CERS1: variants seen among roughly 807,000 people sequenced by gnomAD.
CERS1 encodes ceramide synthase 1.
Under a neutral mutation model 35.7 loss-of-function variants are expected in CERS1, and 16 were observed. That is an observed-to-expected ratio of 0.45 (90% CI 0.30 to 0.68). CERS1 has a LOEUF of 0.68. Among genes scored for constraint, CERS1 ranks in the 30% least tolerant of loss-of-function variants. The probability of loss-of-function intolerance (pLI) is 0.08; values close to 1 mark genes in which losing one functional copy is unlikely to be tolerated. For missense variants in CERS1, 454 were observed against 453.9 expected (o/e 1.00, Z 0.00); for synonymous variants, 243 against 201.6 (o/e 1.21, Z -1.74).
intron 4 of CERS1, among the ~76,000 whole-genome samples, chr19:18,879,995 C>T (rs2056162542): frequency 6.6e-6 from 1 of 151,402 alleles, no homozygotes; most frequent in South Asian, 2.1e-4. Flanking sequence ...ACCTATCTCA[C>T]CAGGCCCCTC....
chr19:18,879,104 C>A, intron 5 of CERS1, 65 bp from the exon 6 acceptor site: 1 of 1,594,454 alleles, frequency 6.3e-7, no homozygotes, highest in Non-Finnish European at 8.5e-7. Context: ...TGCTGACAGC[C>A]ATGTGCTCCT....
Position 18,878,904 on chromosome 19 carries a change from C to T in CERS1, c.1010+26G>A, listed in dbSNP as rs371750635. The T allele has an allele frequency of 1.4e-4, 228 of 1,611,000 alleles. No homozygotes were observed. Among genetic ancestry groups the T allele is most frequent in the African/African-American group, 2.3e-4 (17 of 74,878 alleles). On this transcript the variant is annotated intron_variant, in intron 6 of 7. Coordinates refer to ENST00000623882, the MANE Select transcript of CERS1 (RefSeq NM_021267.5). This position sits in a 1 kb window ranked among gnomAD's most constrained non-coding sequence, Gnocchi z 4.6. ...ACGGGTGACACTAAAGGAGGGAACG[C>T]GGGGTGCGGGCCCCTCCACACTCAC...
At chr19:18,889,082 G>C (rs1387654806) in intron 2 of CERS1, among the ~76,000 whole-genome samples, 2 of 151,844 alleles carry the variant, frequency 1.3e-5, no homozygotes, top group Admixed American at 6.6e-5. Context: ...AGTAGAGACA[G>C]GGTTTCACCA....
In CERS1 at chr19:18,893,545, T is replaced by C. The variant is rs762743223; in HGVS notation, c.280A>G (p.Arg94Gly). The change falls in exon 2 of 8, where the codon AGA (arginine) becomes GGA (glycine). Residue 94 changes from arginine (R) to glycine (G), a missense_variant. Transcript: ENST00000623882. ...PLAKRCCLQP[R>G]DAAKMPESAW... The stretch of plus-strand genomic sequence containing the variant: ...CTCTCGGGCATCTTGGCGGCATCTC[T>C]GGGCTGGAGGCAGCACCGCTTCGCC... 13 of 1,610,400 alleles carry C rather than the reference T, an allele frequency of 8.1e-6. No homozygotes were observed. The East Asian group carries it at 2.5e-4, about 30-fold the overall frequency.
At chr19:18,888,687 G>A (rs945569807) in intron 2 of CERS1, among the ~76,000 whole-genome samples, 21 of 150,830 alleles carry the variant, frequency 1.4e-4, no homozygotes, top group African/African-American at 4.9e-4. Context: ...AAAATTAGCC[G>A]GGTGTGGTAG....
At chr19:18,873,115 T>C (rs2056003825) in intron 6 of CERS1, among the ~76,000 whole-genome samples, 1 of 152,122 alleles carries the variant, frequency 6.6e-6, no homozygotes, top group Non-Finnish European at 1.5e-5. Flanking sequence ...CCCTGGGCTC[T>C]TGCAAGGGTT....
chr19:18,892,609 A>G (rs1209695305), intron 2 of CERS1, among the ~76,000 whole-genome samples: 2 of 151,880 alleles, frequency 1.3e-5, no homozygotes, highest in African/African-American at 2.4e-5. Flanking sequence ...GCGAGACTCC[A>G]TCTCAAAAAA....
chr19:18,878,727 C>A lies in CERS1; in HGVS notation c.1010+203G>T. 7.2e-7 allele frequency: 1 copy of A among 1,390,620 alleles called. No individual in the cohort carries two copies. 86.1% of individuals were successfully genotyped at this position (1,390,620 alleles called of 1,614,324 possible). A position where few individuals can be genotyped will look rare whatever the true frequency, so the allele number is the denominator to read the frequency against. On this transcript the variant is annotated intron_variant, in intron 6 of 7. Transcript: ENST00000623882. This position sits in a 1 kb window ranked among gnomAD's most constrained non-coding sequence, Gnocchi z 4.6. ...CTGCCTGCCCCTCCCCAGCCTCTCC[C>A]TCCCCTTCCTCACTGTCCTGTCCTT... is the stretch of plus-strand genomic sequence containing the variant.
intron 2 of CERS1, among the ~76,000 whole-genome samples, chr19:18,886,489 G>A (rs77807432): frequency 0.017 from 2,633 of 152,190 alleles, 74 homozygotes; most frequent in African/African-American, 0.056. Context: ...GGAGGCAGAG[G>A]TGGTGGCAGG....
At chr19:18,874,543 G>A (rs1416708370) in intron 6 of CERS1, among the ~76,000 whole-genome samples, 2 of 152,234 alleles carry the variant, frequency 1.3e-5, no homozygotes, top group Non-Finnish European at 2.9e-5. Context: ...AGCATTGAGT[G>A]CAGGTCACCA....
chr19:18,870,431 G>A lies in CERS1; in HGVS notation c.*146C>T. 1.0e-6 allele frequency: 1 copy of A among 1,001,462 alleles called. No individual in the cohort carries two copies. Among genetic ancestry groups the A allele is most frequent in the Non-Finnish European group, 1.5e-6 (1 of 673,592 alleles). 62.0% of individuals were successfully genotyped at this position (1,001,462 alleles called of 1,614,324 possible). A position where few individuals can be genotyped will look rare whatever the true frequency, so the allele number is the denominator to read the frequency against. ...CTGGGGGGCGTGGCCGGGAACTGGA[G>A]GCAGGATGAGGGGGCGGGGTCCCAG... On this transcript the variant is annotated 3_prime_UTR_variant, in exon 7 of 8. Transcript: ENST00000623882. This position sits in a 1 kb window ranked among gnomAD's most constrained non-coding sequence, Gnocchi z 5.1.
In CERS1 at chr19:18,870,349, G is replaced by A; in HGVS notation, c.*228C>T. On this transcript the variant is annotated 3_prime_UTR_variant, in exon 7 of 8. Coordinates refer to ENST00000623882, the MANE Select transcript of CERS1 (RefSeq NM_021267.5). This position sits in a 1 kb window ranked among gnomAD's most constrained non-coding sequence, Gnocchi z 5.1. Reference sequence around the variant, plus strand: ...GACCAGAGAGTGCGCAGGGTCCGCGGCGGCCCGGGACCAGTGGGCTGAGGG... The same window carrying A: ...GACCAGAGAGTGCGCAGGGTCCGCGACGGCCCGGGACCAGTGGGCTGAGGG... 6.5e-7 allele frequency: 1 copy of A among 1,541,846 alleles called. No homozygotes were observed. The highest frequency in any genetic ancestry group is 2.5e-5 in the East Asian group (1 of 40,726).
Position 18,878,570 on chromosome 19 carries a change from G to A in CERS1, c.1010+360C>T. On this transcript the variant is annotated intron_variant, in intron 6 of 7. Coordinates refer to ENST00000623882, the MANE Select transcript of CERS1 (RefSeq NM_021267.5). The surrounding 1 kb of genome is among the most constrained non-coding windows in gnomAD (Gnocchi z 4.6). The stretch of plus-strand genomic sequence containing the variant: ...GCCACCAGCTCCAGTGGCGACATGG[G>A]TCAGAGGTCGTCATCCAGGCTGGCC... 1.8e-6 allele frequency: 2 copies of A among 1,087,824 alleles called. No individual in the cohort carries two copies. The highest frequency in any genetic ancestry group is 2.2e-6 in the Non-Finnish European group (2 of 890,028). 67.4% of individuals were successfully genotyped at this position (1,087,824 alleles called of 1,614,324 possible).
chr19:18,870,960 C>T lies in CERS1; in HGVS notation c.1011-341G>A, dbSNP rs111390670. Among the ~76,000 whole-genome samples the T allele has an allele frequency of 1.7e-4, 26 of 152,352 alleles. No homozygotes were observed. Among genetic ancestry groups the T allele is most frequent in the African/African-American group, 6.3e-4 (26 of 41,588 alleles). On this transcript the variant is annotated intron_variant, in intron 6 of 7. Transcript: ENST00000623882. This position sits in a 1 kb window ranked among gnomAD's most constrained non-coding sequence, Gnocchi z 5.1. The stretch of plus-strand genomic sequence containing the variant: ...TACCGGCCTGGGCCTGACAACTCCA[C>T]CGCCTCCACAGTGGGACCCTGCACA...
intron 6 of CERS1, chr19:18,877,988 G>A (rs2056093130): frequency 1.0e-6 from 1 of 985,406 alleles, no homozygotes; most frequent in East Asian, 1.1e-4. Context: ...TTCCAAACAG[G>A]GTGGGGGGTC....
intron 6 of CERS1, among the ~76,000 whole-genome samples, chr19:18,871,925 C>T (rs1052572290): frequency 6.6e-6 from 1 of 152,194 alleles, no homozygotes; most frequent in Admixed American, 6.5e-5. Context: ...TGGGATGACT[C>T]CAGGGATTCC....
chr19:18,881,155 G>A (rs772171631), intron 3 of CERS1, among the ~76,000 whole-genome samples: 2 of 151,700 alleles, frequency 1.3e-5, no homozygotes, highest in African/African-American at 4.9e-5. Context: ...AGGTCTGTAC[G>A]TGCAGCCTGG....
Position 18,896,100 on chromosome 19 carries a change from G to A in CERS1, c.-28C>T, listed in dbSNP as rs1254662181. ...CGCCCGCTCGCCCGCCGTGCCCGTC[G>A]CCTGCGCCCGCCCGCGGTAGCCGAC... On this transcript the variant is annotated 5_prime_UTR_variant, in exon 1 of 8. Transcript: ENST00000623882. This position sits in a 1 kb window ranked among gnomAD's most constrained non-coding sequence, Gnocchi z 5.9. 1.4e-5 allele frequency: 12 copies of A among 871,540 alleles called. No individual in the cohort carries two copies. The highest frequency in any genetic ancestry group is 6.4e-5 in the Admixed American group (1 of 15,620). 54.0% of individuals were successfully genotyped at this position (871,540 alleles called of 1,614,324 possible). A position where few individuals can be genotyped will look rare whatever the true frequency, so the allele number is the denominator to read the frequency against.
chr19:18,894,381 G>C (rs563819390), intron 1 of CERS1, among the ~76,000 whole-genome samples: 1 of 152,210 alleles, frequency 6.6e-6, no homozygotes, highest in Admixed American at 6.5e-5. Flanking sequence ...GAGACAGCTG[G>C]AGCCGGCTCC....
Sources: allele counts gnomAD v4.1 joint callset (sites outside exome capture counted in the v4.1 genomes callset), GRCh38; gene constraint gnomAD v4.1.1; non-coding constraint Gnocchi (gnomAD v3.1); transcripts MANE v1.5; gene names NCBI Gene and HGNC (gene_info 2026-07-23, HGNC 2026-07-21).